The following FBXW11 variants were observed in gnomAD, a reference collection of about 807,000 sequenced individuals.
The protein encoded by FBXW11 is F-box and WD repeat domain containing 11.
A neutral mutation model predicts 77.6 loss-of-function variants in FBXW11; 19 were observed. That is an observed-to-expected ratio of 0.24 (90% confidence interval 0.17 to 0.36). The LOEUF (loss-of-function observed/expected upper bound fraction) is 0.36. Among genes scored for constraint, FBXW11 ranks in the 10% least tolerant of loss-of-function variants. The pLI is 1.00. For missense variants in FBXW11, 334 were observed against 704.2 expected, an observed-to-expected ratio of 0.47 and a Z score of 5.95; for synonymous variants, 235 against 249.4, an observed-to-expected ratio of 0.94 and a Z score of 0.54.
intron 2 of FBXW11, among the ~76,000 whole-genome samples, chr5:171,956,784 T>G (rs1763635232): frequency 1.3e-5 from 2 of 152,246 alleles, no homozygotes; most frequent in Non-Finnish European, 2.9e-5. Context: ...GTCTGGAATA[T>G]GCAGTGATGA....
intron 1 of FBXW11, among the ~76,000 whole-genome samples, chr5:171,985,484 T>C (rs1196332773): frequency 6.6e-6 from 1 of 151,790 alleles, no homozygotes; most frequent in Non-Finnish European, 1.5e-5. Context: ...ATAGACCAGA[T>C]GCAGTGGCTC....
At chr5:171,930,960 T>C (rs969401144) in intron 2 of FBXW11, among the ~76,000 whole-genome samples, 1 of 151,956 alleles carries the variant, frequency 6.6e-6, no homozygotes, top group African/African-American at 2.4e-5. Flanking sequence ...TAATTAGGTA[T>C]AAATCTAACA....
At chr5:171,923,670 T>A (rs549711376) in intron 2 of FBXW11, among the ~76,000 whole-genome samples, 45 of 152,248 alleles carry the variant, frequency 3.0e-4, no homozygotes, top group African/African-American at 7.2e-4. Context: ...GCATTTTTTT[T>A]AAAACTGAAA....
chr5:171,931,499 T>A (rs940729030), intron 2 of FBXW11, among the ~76,000 whole-genome samples: 6 of 152,180 alleles, frequency 3.9e-5, no homozygotes, highest in Non-Finnish European at 7.3e-5. Context: ...GACACTCAGC[T>A]TACACATTTC....
intron 11 of FBXW11, among the ~76,000 whole-genome samples, chr5:171,870,223 T>TAC (rs1335366649): frequency 3.3e-5 from 5 of 152,084 alleles, no homozygotes; most frequent in Middle Eastern, 6.8e-3. Flanking sequence ...GTAATAGGAG[T>TAC]ACAAACAGAC....
At chr5:171,915,613 C>CTGTGTGTGTGTGTGTGTGTGTG (rs200618306) in intron 2 of FBXW11, among the ~76,000 whole-genome samples, 4,085 of 129,448 alleles carry the variant, frequency 0.032, 126 homozygotes, top group East Asian at 0.08. Context: ...GTCACTCATT[C>CTGTGTGTGTGTGTGTGTGTGTG]TGTGTGTGTG....
At chr5:171,870,952 T>G in intron 10 of FBXW11, 94 bp from the exon 11 acceptor site, 1 of 788,764 alleles carries the variant, frequency 1.3e-6, no homozygotes, top group East Asian at 2.5e-5. Context: ...AGATACAATT[T>G]TTCACTATCT....
At chr5:171,961,126 G>T (rs1428601705) in intron 1 of FBXW11, among the ~76,000 whole-genome samples, 4 of 152,182 alleles carry the variant, frequency 2.6e-5, no homozygotes, top group Non-Finnish European at 5.9e-5. Flanking sequence ...CAGAGATGAA[G>T]TAATTTACTT....
chr5:171,913,614 T>C (rs1193450625), intron 3 of FBXW11, among the ~76,000 whole-genome samples: 1 of 152,114 alleles, frequency 6.6e-6, no homozygotes, highest in African/African-American at 2.4e-5. Context: ...TGGATGCACT[T>C]TGTTCCTGCT....
intron 1 of FBXW11, among the ~76,000 whole-genome samples, chr5:171,967,917 C>G (rs976378421): frequency 4.7e-5 from 7 of 148,496 alleles, no homozygotes; most frequent in Non-Finnish European, 1.0e-4. Flanking sequence ...CACACACACA[C>G]ACATATAAAT....
At chr5:171,920,413 A>AT (rs1419871006) in intron 2 of FBXW11, among the ~76,000 whole-genome samples, 10 of 102,422 alleles carry the variant, frequency 9.8e-5, no homozygotes, top group East Asian at 2.7e-4. Context: ...CCACACCGCT[A>AT]TTTAAAAAAA....
intron 6 of FBXW11, among the ~76,000 whole-genome samples, chr5:171,894,167 C>A (rs577064041): frequency 6.6e-6 from 1 of 152,210 alleles, no homozygotes; most frequent in African/African-American, 2.4e-5. Context: ...ATACATCAGT[C>A]CCCTGAGATG....
intron 2 of FBXW11, among the ~76,000 whole-genome samples, chr5:171,929,073 A>C (rs1419227828): frequency 1.3e-5 from 2 of 151,712 alleles, no homozygotes; most frequent in Admixed American, 6.6e-5. Context: ...CTCCATCTAA[A>C]AAAAAAATAA....
At chr5:171,927,038 GATAGACTGAAGATCT>G (rs1761927084) in intron 2 of FBXW11, among the ~76,000 whole-genome samples, 1 of 151,964 alleles carries the variant, frequency 6.6e-6, no homozygotes, top group Non-Finnish European at 1.5e-5. Flanking sequence ...ATCCATTCTA[GATAGACTGAAGATCT>G]AAGTGTAAAA....
At chr5:171,957,747 A>G in intron 1 of FBXW11, 49 bp from the exon 2 acceptor site, 1 of 1,480,352 alleles carries the variant, frequency 6.8e-7, no homozygotes, top group East Asian at 2.3e-5. Context: ...TAGAGGCCGC[A>G]ACAAATCACT....
In FBXW11 at chr5:171,891,507, T is replaced by G; in HGVS notation, c.812A>C (p.Asp271Ala). ...TCGTAGGCCACTGATAATTTTTTCA[T>G]CATCGTACTGTAAACAGTAGACACC... ...SKGVYCLQYD[D>A]EKIISGLRDN... The change falls in exon 7 of 14, where the codon GAT (aspartate) becomes GCT (alanine). Residue 271 changes from aspartate to alanine, a missense_variant. By Grantham distance (126) the Asp-to-Ala change is moderately radical. This residue lies in a region of FBXW11 where 70 missense variants were observed against 136.6 expected (regional missense o/e 0.51). Transcript: ENST00000517395. 1 of 1,605,336 alleles carries G rather than the reference T, an allele frequency of 6.2e-7. No individual in the cohort carries two copies.
chr5:171,899,069 G>T lies in FBXW11; in HGVS notation c.649C>A (p.Pro217Thr), dbSNP rs764386054. ...GWDQYLFKNRPTDGPPNSFYR... is the reference protein window; with the variant it reads ...GWDQYLFKNRTTDGPPNSFYR... ...AATGAATTTGGAGGGCCATCTGTGGGTCTGTTTTTAAACAGGTACTGATCC... is the reference window on the plus strand; with the variant it reads ...AATGAATTTGGAGGGCCATCTGTGGTTCTGTTTTTAAACAGGTACTGATCC... The change falls in exon 6 of 14, where the codon CCC (proline) becomes ACC (threonine). Residue 217 changes from proline to threonine, a missense_variant. Coordinates refer to ENST00000517395, the MANE Select transcript of FBXW11 (RefSeq NM_001378974.1). 1.9e-6 allele frequency: 3 copies of T among 1,608,992 alleles called. No individual in the cohort carries two copies. In the African/African-American group the frequency reaches 4.0e-5, roughly 22 times the overall value.
intron 2 of FBXW11, among the ~76,000 whole-genome samples, chr5:171,947,839 C>A (rs2113231089): frequency 6.6e-6 from 1 of 151,792 alleles, no homozygotes; most frequent in Middle Eastern, 3.4e-3. Context: ...ACTACTTGGG[C>A]CTGGGAGGTC....
At chr5:171,930,697 G>A (rs1289431910) in intron 2 of FBXW11, among the ~76,000 whole-genome samples, 3 of 136,490 alleles carry the variant, frequency 2.2e-5, no homozygotes, top group East Asian at 2.1e-4. Context: ...CCCCCTCTGC[G>A]AGAAACACCC....
Sources: gnomAD v4.1 joint callset for allele counts (sites outside exome capture counted in the v4.1 genomes callset) on GRCh38, gnomAD v4.1.1 for gene constraint, gnomAD v4.1.1 regional missense constraint, MANE v1.5 for transcripts, NCBI Gene and HGNC (gene_info 2026-07-23, HGNC 2026-07-21) for gene names.